The following LSM10 variants were observed in gnomAD, a reference collection of about 807,000 sequenced individuals.
LSM10 encodes the protein U7 snRNA-associated Sm-like protein LSm10.
A neutral mutation model predicts 5.2 loss-of-function variants in LSM10; 4 were observed. That is an observed-to-expected ratio of 0.77 (90% CI 0.38 to 1.77). The LOEUF (loss-of-function observed/expected upper bound fraction) is 1.77, where lower values mean the gene tolerates loss of function less well. Ranked by LOEUF, LSM10 falls within the 40% of genes most tolerant of loss-of-function variation. The probability of loss-of-function intolerance (pLI) is 0.04; values close to 1 mark genes in which losing one functional copy is unlikely to be tolerated. For missense variants in LSM10, 150 were observed against 171.6 expected, an observed-to-expected ratio of 0.87 and a Z score of 0.70; for synonymous variants, 63 against 67.4, an observed-to-expected ratio of 0.94 and a Z score of 0.32.
chr1:36,394,683 C>T (rs1297021766), intron 1 of LSM10, among the ~76,000 whole-genome samples: 2 of 151,814 alleles, frequency 1.3e-5, no homozygotes, highest in Non-Finnish European at 2.9e-5. Flanking sequence ...TGACAGCGGG[C>T]GCCTGTAGTC....
chr1:36,393,473 T>C lies in LSM10; in HGVS notation c.*285A>G. ...TGTTTAATTATCCTCACTGGGAGAG[T>C]TGAAAACTACTTGACAGGTTCCATA... is the stretch of plus-strand genomic sequence containing the variant. On this transcript the variant is annotated 3_prime_UTR_variant, in exon 2 of 2. Transcript: ENST00000315732. 1 of 461,458 alleles carries C rather than the reference T, an allele frequency of 2.2e-6. No homozygotes were observed. The highest frequency in any genetic ancestry group is 4.0e-6 in the Non-Finnish European group (1 of 252,278). 28.6% of individuals were successfully genotyped at this position (461,458 alleles called of 1,614,324 possible). A position where few individuals can be genotyped will look rare whatever the true frequency, so the allele number is the denominator to read the frequency against.
At chr1:36,396,027 C>A (rs1356402808) in intron 1 of LSM10, among the ~76,000 whole-genome samples, 3 of 151,876 alleles carry the variant, frequency 2.0e-5, no homozygotes, top group Non-Finnish European at 4.4e-5. Flanking sequence ...CAAGACCATC[C>A]TGGCTAACAT....
intron 1 of LSM10, among the ~76,000 whole-genome samples, chr1:36,394,766 G>A (rs572095165): frequency 2.0e-5 from 3 of 148,026 alleles, no homozygotes; most frequent in African/African-American, 5.0e-5. Context: ...AGCCAAGATC[G>A]CGGCAGAGTG....
chr1:36,395,077 A>G (rs1436537626), intron 1 of LSM10, among the ~76,000 whole-genome samples: 1 of 152,222 alleles, frequency 6.6e-6, no homozygotes, highest in African/African-American at 2.4e-5. Flanking sequence ...ATTGCACTCC[A>G]GCCTGGGCAA....
Position 36,393,683 on chromosome 1 carries a change from A to G in LSM10, c.*75T>C. ...CCTGCTTTCTTCTCGGGTACCAGAC[A>G]GGGTGTGAGGGCAGGGAACTAGCTC... On this transcript the variant is annotated 3_prime_UTR_variant, in exon 2 of 2. Coordinates refer to ENST00000315732, the MANE Select transcript of LSM10 (RefSeq NM_032881.3). The G allele has an allele frequency of 6.4e-7, 1 of 1,565,186 alleles. No homozygotes were observed. Among genetic ancestry groups the G allele is most frequent in the Non-Finnish European group, 8.7e-7 (1 of 1,151,072 alleles).
chr1:36,395,379 ATACAT>A (rs1647150278), intron 1 of LSM10, among the ~76,000 whole-genome samples: 3 of 152,268 alleles, frequency 2.0e-5, no homozygotes, highest in Admixed American at 2.0e-4. Flanking sequence ...ATTCCTAATA[ATACAT>A]TAATTTTAAA....
chr1:36,393,519 G>T lies in LSM10; in HGVS notation c.*239C>A. Reference sequence around the variant, plus strand: ...CCATAATCAATAAGTCAGAGATTCAGATCATCAAAAAGGGGGATTGTCACC... The same window carrying T: ...CCATAATCAATAAGTCAGAGATTCATATCATCAAAAAGGGGGATTGTCACC... On this transcript the variant is annotated 3_prime_UTR_variant, in exon 2 of 2. Coordinates refer to ENST00000315732, the MANE Select transcript of LSM10 (RefSeq NM_032881.3). The T allele has an allele frequency of 1.8e-6, 1 of 569,824 alleles. No homozygotes were observed. The highest frequency in any genetic ancestry group is 3.1e-6 in the Non-Finnish European group (1 of 319,020). The allele number at this position is 569,824 out of a possible 1,614,324, so 35.3% of individuals were successfully genotyped here. A position where few individuals can be genotyped will look rare whatever the true frequency, so the allele number is the denominator to read the frequency against.
chr1:36,397,224 T>C (rs1215962416), intron 1 of LSM10, among the ~76,000 whole-genome samples: 1 of 152,198 alleles, frequency 6.6e-6, no homozygotes, highest in African/African-American at 2.4e-5. Flanking sequence ...GATAATGTAT[T>C]AGTGCACTAT....
chr1:36,393,669 C>T lies in LSM10; in HGVS notation c.*89G>A. 6.5e-7 allele frequency: 1 copy of T among 1,541,930 alleles called. No homozygotes were observed. The highest frequency in any genetic ancestry group is 8.8e-7 in the Non-Finnish European group (1 of 1,137,362). On this transcript the variant is annotated 3_prime_UTR_variant, in exon 2 of 2. Coordinates refer to ENST00000315732, the MANE Select transcript of LSM10 (RefSeq NM_032881.3). ...GCTTCTGGCCTGGCCCTGCTTTCTT[C>T]TCGGGTACCAGACAGGGTGTGAGGG...
chr1:36,396,696 G>C (rs1278965072), intron 1 of LSM10, among the ~76,000 whole-genome samples: 7 of 152,254 alleles, frequency 4.6e-5, no homozygotes, highest in African/African-American at 7.2e-5. Context: ...ATGAGGCCGG[G>C]TGCAAGGGCT....
chr1:36,395,959 C>T (rs911925148), intron 1 of LSM10, among the ~76,000 whole-genome samples: 5 of 151,812 alleles, frequency 3.3e-5, no homozygotes, highest in Admixed American at 1.3e-4. Context: ...CGGTGGCTCA[C>T]GCCTGTAATC....
intron 1 of LSM10, among the ~76,000 whole-genome samples, chr1:36,395,272 G>A (rs1379471723): frequency 6.6e-6 from 1 of 152,090 alleles, no homozygotes; most frequent in African/African-American, 2.4e-5. Context: ...AATTATAAAG[G>A]AAGATCACTG....
intron 1 of LSM10, among the ~76,000 whole-genome samples, chr1:36,395,160 A>G (rs1647149039): frequency 6.6e-6 from 1 of 152,180 alleles, no homozygotes; most frequent in African/African-American, 2.4e-5. Flanking sequence ...CAAGAAAAGG[A>G]TGCCTTTTAT....
Position 36,397,891 on chromosome 1 carries a change from C to T in LSM10, c.-149G>A, listed in dbSNP as rs1392748912. On this transcript the variant is annotated 5_prime_UTR_variant, in exon 1 of 2. Transcript: ENST00000315732. ...CATGCCGGCGACCGGGCCGCTCTGT[C>T]CTCCGGGCGCAGAGTGCGTCAGTGC... The T allele has an allele frequency of 6.6e-6, 1 of 152,254 alleles. No homozygotes were observed. Among genetic ancestry groups the T allele is most frequent in the African/African-American group, 2.4e-5 (1 of 41,466 alleles). 9.4% of individuals were successfully genotyped at this position (152,254 alleles called of 1,614,324 possible).
intron 1 of LSM10, 135 bp downstream of exon 1, chr1:36,397,632 G>C (rs1055064451): frequency 6.6e-6 from 1 of 152,248 alleles, no homozygotes; most frequent in African/African-American, 2.4e-5. Context: ...AGCAGCGGGA[G>C]CGGGTCTGGG....
intron 1 of LSM10, 50 bp from the exon 2 acceptor site, chr1:36,394,203 G>A: frequency 2.0e-6 from 3 of 1,517,232 alleles, no homozygotes; most frequent in Non-Finnish European, 2.6e-6. Flanking sequence ...AGGGGGTACA[G>A]TTGCCAACTC....
chr1:36,395,865 A>G (rs988586149), intron 1 of LSM10, among the ~76,000 whole-genome samples: 30 of 150,998 alleles, frequency 2.0e-4, no homozygotes, highest in African/African-American at 7.3e-4. Context: ...TTTTAACCCA[A>G]CCTCCCCACC....
At chr1:36,394,195 G>A in intron 1 of LSM10, 42 bp from the exon 2 acceptor site, 1 of 1,541,396 alleles carries the variant, frequency 6.5e-7, no homozygotes, top group Non-Finnish European at 8.7e-7. Flanking sequence ...AGCAGGGTAG[G>A]GGGTACAGTT....
intron 1 of LSM10, among the ~76,000 whole-genome samples, chr1:36,394,852 T>C: frequency 6.6e-6 from 1 of 151,098 alleles, no homozygotes; most frequent in Middle Eastern, 3.5e-3. Context: ...ACGACTACAA[T>C]CCCAGCACTT....
Sources: gnomAD v4.1 joint callset for allele counts (sites outside exome capture counted in the v4.1 genomes callset) on GRCh38, gnomAD v4.1.1 for gene constraint, MANE v1.5 for transcripts, NCBI Gene and HGNC (gene_info 2026-07-23, HGNC 2026-07-21) for gene names.